The following CPNE4 variants were observed in gnomAD, a reference collection of about 807,000 sequenced individuals.
CPNE4 encodes copine 4.
A neutral mutation model predicts 67.9 loss-of-function variants in CPNE4; 25 were observed. That is an observed-to-expected ratio of 0.37 (90% CI 0.27 to 0.51). The LOEUF (loss-of-function observed/expected upper bound fraction) is 0.51. Among genes scored for constraint, CPNE4 ranks in the 20% least tolerant of loss-of-function variants. The pLI, the probability that CPNE4 is intolerant of heterozygous loss-of-function variation, is 0.93. For synonymous variants in CPNE4, 242 were observed against 244.9 expected (o/e 0.99, Z 0.11); for missense variants, 464 against 690.8 (o/e 0.67, Z 3.68).
chr3:131,739,664 G>A (rs1334297574), intron 2 of CPNE4, among the ~76,000 whole-genome samples: 4 of 152,202 alleles, frequency 2.6e-5, no homozygotes, highest in Non-Finnish European at 5.9e-5. Flanking sequence ...TGGCCACCAT[G>A]GCCAGTAAAG....
At chr3:131,936,248 T>C (rs1281411148) in intron 1 of CPNE4, among the ~76,000 whole-genome samples, 1 of 151,818 alleles carries the variant, frequency 6.6e-6, no homozygotes, top group African/African-American at 2.4e-5. Flanking sequence ...GAAGCTGTCC[T>C]GGGAGGGAAA....
chr3:131,861,362 A>G (rs1193751539), intron 2 of CPNE4, among the ~76,000 whole-genome samples: 1 of 151,346 alleles, frequency 6.6e-6, no homozygotes, highest in Non-Finnish European at 1.5e-5. Context: ...TTTTTGTACA[A>G]GTAGTCATCT....
intron 1 of CPNE4, among the ~76,000 whole-genome samples, chr3:131,973,677 T>C (rs1486558845): frequency 6.6e-6 from 1 of 152,206 alleles, no homozygotes; most frequent in Non-Finnish European, 1.5e-5. Flanking sequence ...GTATACTGAA[T>C]GACTTCTCCC....
chr3:131,799,539 A>G (rs980639261), intron 2 of CPNE4, among the ~76,000 whole-genome samples: 1 of 151,924 alleles, frequency 6.6e-6, no homozygotes, highest in Non-Finnish European at 1.5e-5. Context: ...TTTTGTTGTT[A>G]CCCCCAGTCT....
intron 1 of CPNE4, among the ~76,000 whole-genome samples, chr3:131,914,047 T>C (rs1295276659): frequency 6.6e-6 from 1 of 152,192 alleles, no homozygotes; most frequent in Non-Finnish European, 1.5e-5. Context: ...TCCCAGCATT[T>C]AACAATAGGT....
At chr3:131,582,182 T>C (rs1937883350) in intron 8 of CPNE4, among the ~76,000 whole-genome samples, 2 of 152,052 alleles carry the variant, frequency 1.3e-5, no homozygotes, top group Admixed American at 6.6e-5. Context: ...GCTAGAGAAA[T>C]TTACTAGGGA....
At chr3:131,844,800 A>G (rs1210881986) in intron 2 of CPNE4, among the ~76,000 whole-genome samples, 11 of 152,140 alleles carry the variant, frequency 7.2e-5, no homozygotes, top group African/African-American at 2.4e-4. Flanking sequence ...GAACCTATAT[A>G]CATAGCCACA....
chr3:132,001,112 G>A (rs2073420078), intron 1 of CPNE4, among the ~76,000 whole-genome samples: 1 of 151,994 alleles, frequency 6.6e-6, no homozygotes, highest in African/African-American at 2.4e-5. Context: ...AGATGCAAGA[G>A]TTACAAGGAG....
intron 2 of CPNE4, among the ~76,000 whole-genome samples, chr3:131,844,765 T>C (rs2085932728): frequency 6.6e-6 from 1 of 152,174 alleles, no homozygotes; most frequent in African/African-American, 2.4e-5. Context: ...TTCTCTCCCA[T>C]TCCATTTTTA....
chr3:131,648,225 A>G (rs542197222), intron 7 of CPNE4, among the ~76,000 whole-genome samples: 9 of 152,302 alleles, frequency 5.9e-5, no homozygotes, highest in African/African-American at 2.2e-4. Flanking sequence ...CACAAAAATT[A>G]GCCAGGTGTG....
At chr3:131,751,231 C>CT (rs2107796874) in intron 2 of CPNE4, among the ~76,000 whole-genome samples, 1 of 152,134 alleles carries the variant, frequency 6.6e-6, no homozygotes, top group African/African-American at 2.4e-5. Flanking sequence ...TCTTCAAGTA[C>CT]TTTTTTAGTT....
chr3:131,578,582 A>C, intron 9 of CPNE4, among the ~76,000 whole-genome samples: 1 of 152,196 alleles, frequency 6.6e-6, no homozygotes, highest in East Asian at 1.9e-4. Context: ...GGTAGGCCAA[A>C]AGTTAGGCCT....
At chr3:131,892,416 C>A (rs1164297013) in intron 2 of CPNE4, among the ~76,000 whole-genome samples, 1 of 152,036 alleles carries the variant, frequency 6.6e-6, no homozygotes, top group Non-Finnish European at 1.5e-5. Flanking sequence ...GTAGACCAGC[C>A]TTACAAGAAA....
At chr3:131,593,361 T>C (rs1344489869) in intron 7 of CPNE4, among the ~76,000 whole-genome samples, 1 of 152,206 alleles carries the variant, frequency 6.6e-6, no homozygotes, top group Non-Finnish European at 1.5e-5. Flanking sequence ...GTTTTCAGTG[T>C]AGAAGCCTTT....
At position 131,940,540 on chromosome 3, in the gene CPNE4, TTG is replaced by T. The variant is rs553595179; in HGVS notation, c.-1-35098_-1-35097del. ...AGGCTTCTAATAACATGGCTTATAG[TTG>T]AAAATAAATAAAACAAAAAGTGACT... On this transcript the variant is annotated intron_variant, in intron 1 of 15. Transcript: ENST00000429747. Among the ~76,000 whole-genome samples, 3 of 152,250 alleles carry T rather than the reference TTG, an allele frequency of 2.0e-5. No individual in the cohort carries two copies. In the South Asian group the frequency reaches 6.2e-4, roughly 32 times the overall value.
At chr3:131,728,284 A>G (rs149364122) in intron 2 of CPNE4, among the ~76,000 whole-genome samples, 2 of 152,322 alleles carry the variant, frequency 1.3e-5, no homozygotes, top group Admixed American at 6.5e-5. Context: ...TGAGGTAGGT[A>G]CTGTTATTAT....
chr3:131,673,931 A>G (rs187215632), intron 6 of CPNE4, among the ~76,000 whole-genome samples: 140 of 152,196 alleles, frequency 9.2e-4, no homozygotes, highest in Admixed American at 3.8e-3. Flanking sequence ...CCAATTCAGC[A>G]TGATACTAGC....
intron 3 of CPNE4, among the ~76,000 whole-genome samples, chr3:131,705,487 C>T (rs1408762226): frequency 2.0e-5 from 3 of 152,152 alleles, no homozygotes; most frequent in Non-Finnish European, 2.9e-5. Context: ...TTAATCTGTT[C>T]TGCTGATTTG....
intron 2 of CPNE4, among the ~76,000 whole-genome samples, chr3:131,782,943 A>G (rs974954661): frequency 1.3e-5 from 2 of 151,996 alleles, no homozygotes; most frequent in Middle Eastern, 3.2e-3. Context: ...CCAACTCTTG[A>G]GAGGGGCTCA....
Sources: gnomAD v4.1 joint callset for allele counts (sites outside exome capture counted in the v4.1 genomes callset) on GRCh38, gnomAD v4.1.1 for gene constraint, MANE v1.5 for transcripts, NCBI Gene and HGNC (gene_info 2026-07-23, HGNC 2026-07-21) for gene names.